The following ADAMTS12 variants were observed in gnomAD, a reference collection of about 807,000 sequenced individuals.
ADAMTS12 encodes the protein ADAM metallopeptidase with thrombospondin type 1 motif 12, also known as A disintegrin and metalloproteinase with thrombospondin motifs 12.
In ADAMTS12, 118 loss-of-function variants were observed where a neutral mutation model predicts 167.8. The observed-to-expected ratio is 0.70, with a 90% CI of 0.61 to 0.82. The LOEUF (loss-of-function observed/expected upper bound fraction) is 0.82. Ranked by LOEUF, ADAMTS12 falls within the 40% of genes least tolerant of loss-of-function variation. The pLI is 0.00. For synonymous variants in ADAMTS12, 704 were observed against 716.9 expected (o/e 0.98, Z 0.29); for missense variants, 1,916 against 1,998.8 (o/e 0.96, Z 0.79).
At chr5:33,590,683 C>T (rs957158785) in intron 17 of ADAMTS12, among the ~76,000 whole-genome samples, 5 of 152,136 alleles carry the variant, frequency 3.3e-5, no homozygotes, top group African/African-American at 9.7e-5. Flanking sequence ...CTTGCTTTGT[C>T]ACCCAGGCTA....
intron 1 of ADAMTS12, among the ~76,000 whole-genome samples, chr5:33,885,617 T>A (rs1044586720): frequency 1.3e-5 from 2 of 152,208 alleles, no homozygotes; most frequent in African/African-American, 4.8e-5. Context: ...ACAAGATAAG[T>A]AAGGCATGCC....
intron 2 of ADAMTS12, among the ~76,000 whole-genome samples, chr5:33,851,877 C>G (rs1749232216): frequency 6.6e-6 from 1 of 152,198 alleles, no homozygotes; most frequent in Admixed American, 6.5e-5. Flanking sequence ...CATACACATG[C>G]TCATGTGCAC....
At chr5:33,799,035 A>T (rs1235729419) in intron 2 of ADAMTS12, among the ~76,000 whole-genome samples, 1 of 152,114 alleles carries the variant, frequency 6.6e-6, no homozygotes, top group Non-Finnish European at 1.5e-5. Flanking sequence ...TGTGGACAAG[A>T]CACTTTCCCC....
At chr5:33,827,724 TA>T (rs1019238253) in intron 2 of ADAMTS12, among the ~76,000 whole-genome samples, 1 of 139,528 alleles carries the variant, frequency 7.2e-6, no homozygotes, top group African/African-American at 3.2e-5. Flanking sequence ...GATAGATAGA[TA>T]GATAGATAGA....
intron 19 of ADAMTS12, among the ~76,000 whole-genome samples, chr5:33,566,433 C>T (rs57987168): frequency 0.045 from 6,800 of 152,202 alleles, 497 homozygotes; most frequent in African/African-American, 0.16. Flanking sequence ...CACTGCACTC[C>T]GACCTGGGTG....
intron 3 of ADAMTS12, among the ~76,000 whole-genome samples, chr5:33,699,737 T>C (rs1458962597): frequency 1.3e-5 from 2 of 152,120 alleles, no homozygotes; most frequent in African/African-American, 4.8e-5. Flanking sequence ...AGAAAGCTTC[T>C]ACTAAAAAGA....
At chr5:33,802,817 T>C (rs568323268) in intron 2 of ADAMTS12, among the ~76,000 whole-genome samples, 2 of 151,946 alleles carry the variant, frequency 1.3e-5, no homozygotes, top group Non-Finnish European at 2.9e-5. Context: ...ACAGTTGCTA[T>C]TATTAGGCAA....
At chr5:33,726,350 G>A (rs1327260766) in intron 3 of ADAMTS12, among the ~76,000 whole-genome samples, 2 of 152,156 alleles carry the variant, frequency 1.3e-5, no homozygotes, top group African/African-American at 4.8e-5. Flanking sequence ...CGTGGCTGAC[G>A]CTAAAGTCTC....
chr5:33,711,028 TTTC>T (rs879612899), intron 3 of ADAMTS12, among the ~76,000 whole-genome samples: 3 of 152,240 alleles, frequency 2.0e-5, no homozygotes, highest in South Asian at 2.1e-4. Flanking sequence ...TATGTGGTCA[TTTC>T]TTCTTCTTCT....
At chr5:33,581,704 C>T (rs1358743404) in intron 18 of ADAMTS12, among the ~76,000 whole-genome samples, 1 of 151,968 alleles carries the variant, frequency 6.6e-6, no homozygotes, top group Admixed American at 6.6e-5. Context: ...GAATTGTGTC[C>T]CTCTCAAAAA....
rs748696758 is a variant in ADAMTS12, at chr5:33,753,822, C to T, written c.490-2274G>A. On this transcript the variant is annotated intron_variant, in intron 2 of 23. Transcript: ENST00000504830. ...CAAAGTGGTCTTGCCAGGGTGCACG[C>T]GGAAAATCACCTATTCAACCTCAAT... is the stretch of plus-strand genomic sequence containing the variant. Among the ~76,000 whole-genome samples, 72 of 152,170 alleles carry T rather than the reference C, an allele frequency of 4.7e-4. 2 individuals are homozygous for T. Among genetic ancestry groups the T allele is most frequent in the Non-Finnish European group, 2.4e-4 (16 of 68,024 alleles).
At chr5:33,694,717 C>T (rs974383747) in intron 3 of ADAMTS12, among the ~76,000 whole-genome samples, 10 of 152,110 alleles carry the variant, frequency 6.6e-5, no homozygotes, top group African/African-American at 1.2e-4. Flanking sequence ...GCTTGAAATG[C>T]GCTGTACACA....
intron 22 of ADAMTS12, among the ~76,000 whole-genome samples, chr5:33,542,692 AT>A (rs1349512737): frequency 6.6e-5 from 10 of 152,366 alleles, no homozygotes; most frequent in Admixed American, 1.3e-4. Context: ...TCAAATTAGA[AT>A]TTAGGATTAA....
chr5:33,648,768 T>C, intron 9 of ADAMTS12, 54 bp downstream of exon 9: 1 of 1,604,666 alleles, frequency 6.2e-7, no homozygotes, highest in Non-Finnish European at 8.5e-7. Flanking sequence ...GGCCCTTCCT[T>C]CAGCATGCTG....
At chr5:33,844,559 A>G (rs1748870789) in intron 2 of ADAMTS12, among the ~76,000 whole-genome samples, 2 of 152,120 alleles carry the variant, frequency 1.3e-5, no homozygotes, top group South Asian at 4.2e-4. Context: ...TTTTGGTCAG[A>G]CCGGTTGCTC....
intron 2 of ADAMTS12, among the ~76,000 whole-genome samples, chr5:33,755,351 T>C (rs1052934253): frequency 5.3e-5 from 8 of 152,232 alleles, no homozygotes; most frequent in African/African-American, 1.7e-4. Context: ...AAGGCTGAGA[T>C]GCATTGGTGT....
intron 3 of ADAMTS12, among the ~76,000 whole-genome samples, chr5:33,728,544 TC>T (rs1744066512): frequency 6.6e-6 from 1 of 152,216 alleles, no homozygotes. Flanking sequence ...GTCACTGGGA[TC>T]AGCCTGGCCC....
chr5:33,818,896 A>T (rs1253768549), intron 2 of ADAMTS12, among the ~76,000 whole-genome samples: 1 of 152,148 alleles, frequency 6.6e-6, no homozygotes, highest in Non-Finnish European at 1.5e-5. Context: ...ATTAAGAAAT[A>T]TCTATTCAAG....
At chr5:33,844,936 T>G (rs1265081304) in intron 2 of ADAMTS12, among the ~76,000 whole-genome samples, 1 of 152,186 alleles carries the variant, frequency 6.6e-6, no homozygotes. Flanking sequence ...ACATGACTAC[T>G]GGGGGCAGGT....
Sources: gnomAD v4.1 joint callset for allele counts (sites outside exome capture counted in the v4.1 genomes callset) on GRCh38, gnomAD v4.1.1 for gene constraint, MANE v1.5 for transcripts, NCBI Gene and HGNC (gene_info 2026-07-23, HGNC 2026-07-21) for gene names.